Variants in ARB2A observed in about 807,000 individuals in gnomAD.
ARB2A encodes the protein ARB2 cotranscriptional regulator A.
At chr5:94,111,637 A>C in the ARB2A span, 1 of 152,228 alleles carries the variant, frequency 6.6e-6, no homozygotes, top group East Asian at 1.9e-4. Flanking sequence ...GCCCCGACCA[A>C]GTTCGAGTTG....
the ARB2A span, among the ~76,000 whole-genome samples, chr5:93,837,375 T>G: frequency 6.6e-6 from 1 of 152,152 alleles, no homozygotes; most frequent in Non-Finnish European, 1.5e-5. Context: ...TGATGAGCAT[T>G]TAGATTGATT....
At chr5:94,057,565 AT>A in the ARB2A span, among the ~76,000 whole-genome samples, 10 of 152,358 alleles carry the variant, frequency 6.6e-5, no homozygotes, top group South Asian at 8.3e-4. Flanking sequence ...TTTCATCACA[AT>A]AAAGAAAGTA....
At chr5:93,999,504 T>C in the ARB2A span, among the ~76,000 whole-genome samples, 1 of 151,968 alleles carries the variant, frequency 6.6e-6, no homozygotes, top group Non-Finnish European at 1.5e-5. Context: ...AAATGTTTCT[T>C]TTTTTAAGTT....
At chr5:94,011,852 C>T in the ARB2A span, among the ~76,000 whole-genome samples, 1 of 125,794 alleles carries the variant, frequency 7.9e-6, no homozygotes, top group Non-Finnish European at 1.6e-5. Flanking sequence ...AGAGTGAATT[C>T]ATTTACCAAA....
chr5:93,955,642 T>C, the ARB2A span, among the ~76,000 whole-genome samples: 1 of 152,258 alleles, frequency 6.6e-6, no homozygotes, highest in African/African-American at 2.4e-5. Context: ...CTGATTTTAT[T>C]ACAAATAGTT....
chr5:93,832,894 G>A, the ARB2A span, among the ~76,000 whole-genome samples: 3 of 152,204 alleles, frequency 2.0e-5, no homozygotes, highest in Non-Finnish European at 2.9e-5. Context: ...CCAGGGGGAA[G>A]AGCCAGAAAG....
the ARB2A span, among the ~76,000 whole-genome samples, chr5:93,685,735 T>C: frequency 6.6e-6 from 1 of 152,198 alleles, no homozygotes; most frequent in Non-Finnish European, 1.5e-5. Flanking sequence ...AACTAACCAG[T>C]ATTTGCTCAT....
chr5:93,821,199 G>T, the ARB2A span, among the ~76,000 whole-genome samples: 226 of 151,434 alleles, frequency 1.5e-3, no homozygotes, highest in African/African-American at 4.3e-3. Flanking sequence ...ATTTTTTTTT[G>T]AAATTCATGA....
the ARB2A span, among the ~76,000 whole-genome samples, chr5:93,818,118 G>GAA: frequency 1.5e-5 from 2 of 134,334 alleles, no homozygotes; most frequent in Non-Finnish European, 3.2e-5. Flanking sequence ...AAATGAAAAA[G>GAA]AAAAAAAAAA....
chr5:93,706,692 C>T, the ARB2A span, among the ~76,000 whole-genome samples: 1 of 152,030 alleles, frequency 6.6e-6, no homozygotes, highest in African/African-American at 2.4e-5. Flanking sequence ...ATGGTGAAAT[C>T]CCGTGTCTAC....
At chr5:93,846,804 C>T in the ARB2A span, among the ~76,000 whole-genome samples, 1 of 152,076 alleles carries the variant, frequency 6.6e-6, no homozygotes, top group African/African-American at 2.4e-5. Context: ...AGGGTCTTGC[C>T]TCAATGTTGA....
the ARB2A span, among the ~76,000 whole-genome samples, chr5:93,748,092 A>G: frequency 6.6e-6 from 1 of 152,216 alleles, no homozygotes; most frequent in African/African-American, 2.4e-5. Context: ...CAAGCAAGAC[A>G]TTGGTCTTTT....
the ARB2A span, chr5:93,741,420 CG>C: frequency 6.8e-6 from 11 of 1,613,408 alleles, no homozygotes; most frequent in South Asian, 1.1e-4. Context: ...GCCTGACTGC[CG>C]GCCAGACCAT....
chr5:94,071,008 G>A, the ARB2A span, among the ~76,000 whole-genome samples: 12 of 151,978 alleles, frequency 7.9e-5, no homozygotes, highest in East Asian at 1.9e-4. Context: ...TACTGTAGAC[G>A]TACCATATTA....
chr5:93,682,763 G>A, the ARB2A span: 1 of 805,264 alleles, frequency 1.2e-6, no homozygotes, highest in Non-Finnish European at 2.2e-6. Flanking sequence ...TTATAAAAAG[G>A]ACAGCCAGAT....
At chr5:93,874,519 C>T in the ARB2A span, among the ~76,000 whole-genome samples, 1 of 152,182 alleles carries the variant, frequency 6.6e-6, no homozygotes, top group East Asian at 1.9e-4. Flanking sequence ...CTTTCCCATC[C>T]ATATACCTTG....
chr5:93,818,704 C>G, the ARB2A span, among the ~76,000 whole-genome samples: 189 of 152,190 alleles, frequency 1.2e-3, no homozygotes, highest in East Asian at 8.1e-3. Context: ...GTGTGTCATA[C>G]AGAAGCAATC....
the ARB2A span, among the ~76,000 whole-genome samples, chr5:93,829,583 C>CA: frequency 1.5e-3 from 221 of 152,230 alleles, 1 homozygote; most frequent in South Asian, 8.1e-3. Flanking sequence ...TCTTCTTGTT[C>CA]ATTAAATCTT....
the ARB2A span, among the ~76,000 whole-genome samples, chr5:94,108,191 G>T: frequency 6.6e-6 from 1 of 151,816 alleles, no homozygotes; most frequent in East Asian, 1.9e-4. Context: ...TCTGGTCCCC[G>T]CTCTTCTCAG....
Sources: gnomAD v4.1 joint callset for allele counts (sites outside exome capture counted in the v4.1 genomes callset) on GRCh38, gnomAD v4.1.1 for gene constraint, MANE v1.5 for transcripts, NCBI Gene and HGNC (gene_info 2026-07-23, HGNC 2026-07-21) for gene names.